The following LRCH4 variants were observed in gnomAD, a reference collection of about 807,000 sequenced individuals.
LRCH4 encodes leucine rich repeats and calponin homology domain containing 4, also known as leucine-rich repeat and calponin homology domain-containing protein 4.
A neutral mutation model predicts 81.2 loss-of-function variants in LRCH4; 56 were observed. The observed-to-expected ratio is 0.69, with a 90% CI of 0.56 to 0.86. The LOEUF is 0.86. Among genes scored for constraint, LRCH4 ranks in the 40% least tolerant of loss-of-function variants. The probability of loss-of-function intolerance (pLI) is 0.00; values close to 1 mark genes in which losing one functional copy is unlikely to be tolerated. For missense variants in LRCH4, 895 were observed against 922.8 expected, an observed-to-expected ratio of 0.97 and a Z score of 0.39; for synonymous variants, 442 against 409.7, an observed-to-expected ratio of 1.08 and a Z score of -0.95.
chr7:100,584,406 G>A (rs536576138), intron 1 of LRCH4, among the ~76,000 whole-genome samples: 247 of 152,072 alleles, frequency 1.6e-3, no homozygotes, highest in Non-Finnish European at 2.7e-3. Flanking sequence ...ACCCTGAGCC[G>A]GAATGCTGGG....
Position 100,578,736 on chromosome 7 carries a change from A to T in LRCH4, c.649T>A (p.Ser217Thr). 6.2e-7 allele frequency: 1 copy of T among 1,614,040 alleles called. No homozygotes were observed. Among genetic ancestry groups the T allele is most frequent in the South Asian group, 1.1e-5 (1 of 91,070 alleles). The change falls in exon 5 of 18, where the codon TCC becomes ACC. Residue 217 changes from serine (S) to threonine (T), a missense_variant. By Grantham distance (58) the Ser-to-Thr change is moderately conservative. Around this residue, in one of 3 missense-constraint regions of LRCH4, gnomAD observed 360 missense variants for 397.0 expected, o/e 0.91. Coordinates refer to ENST00000310300, the MANE Select transcript of LRCH4 (RefSeq NM_002319.5). The surrounding 1 kb of genome is among the most constrained non-coding windows in gnomAD (Gnocchi z 5.7). ...VRLDFSCNRV[S>T]RIPVSFCRLR... is the part of the protein sequence containing the mutation. ...CGGCAGAAGGAGACTGGGATTCGGG[A>T]GACGCGGTTACAGGAGAAATCCAGG...
In LRCH4 at chr7:100,586,022, C is replaced by G; in HGVS notation, c.79G>C (p.Gly27Arg). 1 of 1,604,924 alleles carries G rather than the reference C, an allele frequency of 6.2e-7. No homozygotes were observed. ...AATTSVPGSP[G>R]LPGRRSAERA... ...TCTGCACTGCGTCTCCCCGGCAGAC[C>G]TGGAGACCCGGGCACGGAGGTCGTG... Residue 27 changes from glycine to arginine, a missense_variant, in exon 1 of 18, where the codon GGT becomes CGT. This residue lies in a region of LRCH4 where 360 missense variants were observed against 397.0 expected (regional missense o/e 0.91). Transcript: ENST00000310300.
chr7:100,584,202 T>C (rs1476431095), intron 1 of LRCH4: 9 of 456,004 alleles, frequency 2.0e-5, no homozygotes, highest in Admixed American at 1.9e-4. Flanking sequence ...GAGGGCAGGG[T>C]ATGGGCAACT....
rs760743959 is a variant in LRCH4, at chr7:100,575,528, G to C, written c.1854+177C>G. The C allele has an allele frequency of 7.8e-6, 7 of 894,638 alleles. No homozygotes were observed. Among genetic ancestry groups the C allele is most frequent in the Non-Finnish European group, 1.1e-5 (6 of 537,336 alleles). 55.4% of individuals were successfully genotyped at this position (894,638 alleles called of 1,614,324 possible). A position where few individuals can be genotyped will look rare whatever the true frequency, so the allele number is the denominator to read the frequency against. On this transcript the variant is annotated intron_variant, in intron 17 of 17. Coordinates refer to ENST00000310300, the MANE Select transcript of LRCH4 (RefSeq NM_002319.5). This position sits in a 1 kb window ranked among gnomAD's most constrained non-coding sequence, Gnocchi z 5.3. The stretch of plus-strand genomic sequence containing the variant: ...GGGCCTGCAGGGCAGGGGATGTGTA[G>C]GACAGGTGACATGCAGGGCAGGGGG...
rs1196087580 is a variant in LRCH4, at chr7:100,583,029, C to G, written c.221-570G>C. Among the ~76,000 whole-genome samples the G allele has an allele frequency of 6.6e-6, 1 of 152,144 alleles. No homozygotes were observed. Among genetic ancestry groups the G allele is most frequent in the Non-Finnish European group, 1.5e-5 (1 of 68,020 alleles). Reference sequence around the variant, plus strand: ...GACACCGGACGAGTTTTTCGCCAGCCCCAAGGACCAGCAAGCCAGGTCCAA... The same window carrying G: ...GACACCGGACGAGTTTTTCGCCAGCGCCAAGGACCAGCAAGCCAGGTCCAA... On this transcript the variant is annotated intron_variant, in intron 1 of 17. Coordinates refer to ENST00000310300, the MANE Select transcript of LRCH4 (RefSeq NM_002319.5). The surrounding 1 kb of genome is among the most constrained non-coding windows in gnomAD (Gnocchi z 4.3).
In LRCH4 at chr7:100,577,011, G is replaced by C; in HGVS notation, c.1365-6C>G. ...CACTGGACTTAGGCGAGCCGCTGAG[G>C]AGAGACAGAAGGGAATTAGAGGGAT... On this transcript the variant is annotated splice_region_variant and splice_polypyrimidine_tract_variant and intron_variant, in intron 12 of 17. Coordinates refer to ENST00000310300, the MANE Select transcript of LRCH4 (RefSeq NM_002319.5). The surrounding 1 kb of genome is among the most constrained non-coding windows in gnomAD (Gnocchi z 6.7). The C allele has an allele frequency of 6.2e-7, 1 of 1,613,618 alleles. No individual in the cohort carries two copies. Among genetic ancestry groups the C allele is most frequent in the Non-Finnish European group, 8.5e-7 (1 of 1,179,600 alleles).
At position 100,575,224 on chromosome 7, in the gene LRCH4, C is replaced by T. The variant is rs566082625; in HGVS notation, c.1935G>A (p.Val645=). ...LRTALEAVKR[V]GGKALPPLWP... ...AGAGGGGCGGTAGGGCCTTGCCCCCCACCCGCTTCACGGCCTCCAGCGCGG... is the reference window on the plus strand; with the variant it reads ...AGAGGGGCGGTAGGGCCTTGCCCCCTACCCGCTTCACGGCCTCCAGCGCGG... Residue 645 remains valine, a synonymous_variant, in exon 18 of 18, where the codon GTG becomes GTA. Coordinates refer to ENST00000310300, the MANE Select transcript of LRCH4 (RefSeq NM_002319.5). This position sits in a 1 kb window ranked among gnomAD's most constrained non-coding sequence, Gnocchi z 5.3. The T allele has an allele frequency of 1.2e-6, 2 of 1,607,464 alleles. No individual in the cohort carries two copies. Among genetic ancestry groups the T allele is most frequent in the South Asian group, 1.1e-5 (1 of 90,316 alleles).
chr7:100,580,005 G>A (rs1801480384), intron 4 of LRCH4: 1 of 152,216 alleles, frequency 6.6e-6, no homozygotes, highest in African/African-American at 2.4e-5. Flanking sequence ...GGGTCAGGGA[G>A]TAGGGAGACA....
rs565118759 is a variant in LRCH4, at chr7:100,585,930, G to A, written c.171C>T (p.Phe57=). The change falls in exon 1 of 18, where the codon TTC becomes TTT. Residue 57 remains phenylalanine, a synonymous_variant. Coordinates refer to ENST00000310300, the MANE Select transcript of LRCH4 (RefSeq NM_002319.5). ...CGTAGCTACGGGCCGCGCCCCGGGGGAAGTGCTTCAAGCGCCGGTTAGACA... is the reference window on the plus strand; with the variant it reads ...CGTAGCTACGGGCCGCGCCCCGGGGAAAGTGCTTCAAGCGCCGGTTAGACA... ...LNLSNRRLKH[F]PRGAARSYDL... The A allele has an allele frequency of 7.2e-5, 116 of 1,612,250 alleles. 3 individuals carry two copies. In the South Asian group the frequency reaches 1.2e-3, roughly 17 times the overall value.
rs1801737687 is a variant in LRCH4, at chr7:100,586,083, C to T, written c.18G>A (p.Ala6=). MAAAV[A]APLAAGGEEA... is the part of the protein sequence containing the mutation. ...CCTCACCCCCGGCGGCGAGTGGAGCCGCTACGGCCGCCGCCATCCGCTCCC... is the reference window on the plus strand; with the variant it reads ...CCTCACCCCCGGCGGCGAGTGGAGCTGCTACGGCCGCCGCCATCCGCTCCC... Residue 6 remains alanine, a synonymous_variant, in exon 1 of 18, where the codon GCG becomes GCA. Transcript: ENST00000310300. 1 of 1,535,888 alleles carries T rather than the reference C, an allele frequency of 6.5e-7. No individual in the cohort carries two copies. The highest frequency in any genetic ancestry group is 1.4e-5 in the African/African-American group (1 of 72,036).
chr7:100,575,347 G>T lies in LRCH4; in HGVS notation c.1855-43C>A, dbSNP rs139678373. 6.7e-7 allele frequency: 1 copy of T among 1,485,590 alleles called. No individual in the cohort carries two copies. Among genetic ancestry groups the T allele is most frequent in the Non-Finnish European group, 9.1e-7 (1 of 1,102,792 alleles). 92.0% of individuals were successfully genotyped at this position (1,485,590 alleles called of 1,614,324 possible). The stretch of plus-strand genomic sequence containing the variant: ...AGGTGGACAAGGACAAGGGACAGAC[G>T]TCAGCAGCAGCAGCAGGACAGTCCC... On this transcript the variant is annotated intron_variant, in intron 17 of 17. Coordinates refer to ENST00000310300, the MANE Select transcript of LRCH4 (RefSeq NM_002319.5). This position sits in a 1 kb window ranked among gnomAD's most constrained non-coding sequence, Gnocchi z 5.3.
Position 100,577,121 on chromosome 7 carries a change from T to C in LRCH4, c.1329A>G (p.Gly443=). ...LLKPGLRAVV[G]GAAAVSTQAM... ...CTTGAGTGGACACGGCGGCGGCCCC[T>C]CCCACAACAGCCCTGAGCCCTGGCT... Residue 443 remains glycine (G), a synonymous_variant, in exon 12 of 18, where the codon GGA becomes GGG. Coordinates refer to ENST00000310300, the MANE Select transcript of LRCH4 (RefSeq NM_002319.5). The surrounding 1 kb of genome is among the most constrained non-coding windows in gnomAD (Gnocchi z 6.7). 1 of 1,613,806 alleles carries C rather than the reference T, an allele frequency of 6.2e-7. No homozygotes were observed.
chr7:100,576,572 G>A (rs902299987), intron 14 of LRCH4, 122 bp downstream of exon 14: 109 of 889,886 alleles, frequency 1.2e-4, no homozygotes, highest in Admixed American at 3.8e-4. Flanking sequence ...CTTGCTTGTG[G>A]GATTTTCAAC....
At position 100,574,678 on chromosome 7, in the gene LRCH4, TAC is replaced by T. The variant is rs1484463906; in HGVS notation, c.*427_*428del. On this transcript the variant is annotated 3_prime_UTR_variant, in exon 18 of 18. Transcript: ENST00000310300. ...GGGCGGCCACGGTCTGTACAGTTTA[TAC>T]ACAGAGATAGGGACCCGGCCTGGGC... 2 of 178,482 alleles carry T rather than the reference TAC, an allele frequency of 1.1e-5. No homozygotes were observed. The highest frequency in any genetic ancestry group is 5.4e-5 in the Admixed American group (1 of 18,466). The allele number at this position is 178,482 out of a possible 1,614,324, so 11.1% of individuals were successfully genotyped here.
At position 100,585,947 on chromosome 7, in the gene LRCH4, G is replaced by T; in HGVS notation, c.154C>A (p.Arg52=). The change falls in exon 1 of 18, where the codon CGG becomes AGG. Residue 52 remains arginine (R), a synonymous_variant. Transcript: ENST00000310300. ...CCCCGGGGGAAGTGCTTCAAGCGCC[G>T]GTTAGACAGGTTCAGGGTCCCGGTG... is the stretch of plus-strand genomic sequence containing the variant. The part of the protein sequence containing the change: ...VATGTLNLSN[R]RLKHFPRGAA... 6.2e-7 allele frequency: 1 copy of T among 1,612,558 alleles called. No homozygotes were observed. The highest frequency in any genetic ancestry group is 8.5e-7 in the Non-Finnish European group (1 of 1,179,238).
In LRCH4 at chr7:100,577,172, G is replaced by A. The variant is rs757201053; in HGVS notation, c.1296-18C>T. On this transcript the variant is annotated intron_variant, in intron 11 of 17. Coordinates refer to ENST00000310300, the MANE Select transcript of LRCH4 (RefSeq NM_002319.5). The surrounding 1 kb of genome is among the most constrained non-coding windows in gnomAD (Gnocchi z 6.7). ...TCAAGAGGCTGGAACAAGGAGAGGT[G>A]GGGTCAGCTAGCCCCAAGGCAGAAC... 1.9e-6 allele frequency: 3 copies of A among 1,613,712 alleles called. No individual in the cohort carries two copies. Among genetic ancestry groups the A allele is most frequent in the East Asian group, 2.2e-5 (1 of 44,882 alleles).
chr7:100,586,054 G>A lies in LRCH4; in HGVS notation c.47C>T (p.Ala16Val), dbSNP rs866659553. Residue 16 changes from alanine to valine, a missense_variant, in exon 1 of 18, where the codon GCG becomes GTG. Physicochemically the swap from Ala to Val is moderately conservative, Grantham distance 64. Around this residue, in one of 3 missense-constraint regions of LRCH4, gnomAD observed 360 missense variants for 397.0 expected, o/e 0.91. Coordinates refer to ENST00000310300, the MANE Select transcript of LRCH4 (RefSeq NM_002319.5). ...CCCGGGCACGGAGGTCGTGGCTGCC[G>A]CCTCCTCACCCCCGGCGGCGAGTGG... is the stretch of plus-strand genomic sequence containing the variant. ...AAPLAAGGEE[A>V]AATTSVPGSP... The A allele has an allele frequency of 5.7e-6, 9 of 1,576,158 alleles. No individual in the cohort carries two copies. The South Asian group carries it at 9.2e-5, about 16-fold the overall frequency.
chr7:100,576,312 G>A lies in LRCH4; in HGVS notation c.1564C>T (p.Pro522Ser). The A allele has an allele frequency of 2.5e-6, 4 of 1,613,958 alleles. No individual in the cohort carries two copies. Among genetic ancestry groups the A allele is most frequent in the Non-Finnish European group, 2.5e-6 (3 of 1,179,878 alleles). The change falls in exon 15 of 18, where the codon CCA becomes TCA. Residue 522 changes from proline to serine, a missense_variant. By Grantham distance (74) the Pro-to-Ser change is moderately conservative (BLOSUM62 -1). This residue lies in a region of LRCH4 where 529 missense variants were observed against 504.9 expected (regional missense o/e 1.05). Coordinates refer to ENST00000310300, the MANE Select transcript of LRCH4 (RefSeq NM_002319.5). ...SSQSGSGPSS[P>S]DSVLRPRRYP... Reference sequence around the variant, plus strand: ...CGCCGAGGTCTCAGGACAGAGTCTGGTGAGGAAGGGCCTAGGAGAAAAAGG... The same window carrying A: ...CGCCGAGGTCTCAGGACAGAGTCTGATGAGGAAGGGCCTAGGAGAAAAAGG...
rs1801265051 is a variant in LRCH4, at chr7:100,574,478, C to T, written c.*629G>A. ...TCGGGGCTCGGCGACAAATGAGACGCAAGAAAGCTGTCAGCGATAACAGAA... is the reference window on the plus strand; with the variant it reads ...TCGGGGCTCGGCGACAAATGAGACGTAAGAAAGCTGTCAGCGATAACAGAA... On this transcript the variant is annotated 3_prime_UTR_variant, in exon 18 of 18. Coordinates refer to ENST00000310300, the MANE Select transcript of LRCH4 (RefSeq NM_002319.5). 1.3e-5 allele frequency: 2 copies of T among 152,758 alleles called. No homozygotes were observed. The highest frequency in any genetic ancestry group is 4.8e-5 in the African/African-American group (2 of 41,378). The allele number at this position is 152,758 out of a possible 1,614,324, so 9.5% of individuals were successfully genotyped here.
Sources: allele counts gnomAD v4.1 joint callset (sites outside exome capture counted in the v4.1 genomes callset), GRCh38; gene constraint gnomAD v4.1.1; regional missense constraint gnomAD v4.1.1; non-coding constraint Gnocchi (gnomAD v3.1); transcripts MANE v1.5; gene names NCBI Gene and HGNC (gene_info 2026-07-23, HGNC 2026-07-21).